APOL1: variants seen among roughly 807,000 people sequenced by gnomAD.
APOL1 encodes the protein apolipoprotein L 1.
APOL1 carries 17 observed loss-of-function variants against 14.9 expected under a neutral mutation model. The observed-to-expected ratio is 1.14, with a 90% CI of 0.78 to 1.71. APOL1 has a LOEUF of 1.71. Among genes scored for constraint, APOL1 ranks in the 40% most tolerant of loss-of-function variants. The pLI, the probability that APOL1 is intolerant of heterozygous loss-of-function variation, is 0.00. For synonymous variants in APOL1, 195 were observed against 184.8 expected (o/e 1.05, Z -0.45); for missense variants, 523 against 485.9 (o/e 1.08, Z -0.72).
intron 1 of APOL1, among the ~76,000 whole-genome samples, chr22:36,254,692 C>T (rs957917115): frequency 3.3e-5 from 5 of 152,200 alleles, no homozygotes; most frequent in Admixed American, 3.3e-4. Context: ...GAAACCCTGT[C>T]TCTACTAAAA....
chr22:36,255,693 G>T (rs535070960), intron 2 of APOL1, among the ~76,000 whole-genome samples: 1 of 150,434 alleles, frequency 6.6e-6, no homozygotes, highest in Non-Finnish European at 1.5e-5. Context: ...CAGGGGGCCC[G>T]GGAACCACTG....
At position 36,266,434 on chromosome 22, in the gene APOL1, T is replaced by C. The variant is rs537807674; in HGVS notation, c.*401T>C. 2.3e-4 allele frequency: 94 copies of C among 410,808 alleles called. No homozygotes were observed. The highest frequency in any genetic ancestry group is 1.8e-3 in the African/African-American group (88 of 48,724). 25.4% of individuals were successfully genotyped at this position (410,808 alleles called of 1,614,324 possible). A position where few individuals can be genotyped will look rare whatever the true frequency, so the allele number is the denominator to read the frequency against. Reference sequence around the variant, plus strand: ...GGGGGATAAAGAGGGTGAGGTAAAGTTTATGGAACTGAGTGTTAGGGACTT... The same window carrying C: ...GGGGGATAAAGAGGGTGAGGTAAAGCTTATGGAACTGAGTGTTAGGGACTT... On this transcript the variant is annotated 3_prime_UTR_variant, in exon 6 of 6. Coordinates refer to ENST00000397278, the MANE Select transcript of APOL1 (RefSeq NM_003661.4).
chr22:36,257,040 T>G, intron 2 of APOL1, 43 bp from the exon 3 acceptor site: 1 of 1,601,812 alleles, frequency 6.2e-7, no homozygotes, highest in Non-Finnish European at 8.6e-7. Flanking sequence ...AATGATCAGA[T>G]GGCTGCCCGT....
intron 5 of APOL1, among the ~76,000 whole-genome samples, chr22:36,264,607 C>T (rs1404799604): frequency 1.3e-5 from 2 of 152,270 alleles, no homozygotes; most frequent in Admixed American, 1.3e-4. Context: ...CATGAAAGAG[C>T]ATCTGAGATG....
intron 5 of APOL1, among the ~76,000 whole-genome samples, chr22:36,264,127 G>T (rs2016158301): frequency 6.6e-6 from 1 of 152,170 alleles, no homozygotes; most frequent in Non-Finnish European, 1.5e-5. Flanking sequence ...AGTTGGTCAA[G>T]GAGAAAGTCC....
In APOL1 at chr22:36,255,938, GT is replaced by G. The variant is rs557325658; in HGVS notation, c.44+943del. ...ACCTTTTCCTAACATTCTATCACCAGTTTTATGTCTTCCATTAGCAACTTTG... is the reference window on the plus strand; with the variant it reads ...ACCTTTTCCTAACATTCTATCACCAGTTTATGTCTTCCATTAGCAACTTTG... On this transcript the variant is annotated intron_variant, in intron 2 of 5. Transcript: ENST00000397278. 6.4e-4 allele frequency among the ~76,000 whole-genome samples: 98 copies of G among 151,950 alleles called. 1 individual carries two copies. The highest frequency in any genetic ancestry group is 2.3e-3 in the African/African-American group (97 of 41,390).
In APOL1 at chr22:36,266,701, C is replaced by T. The variant is rs555947840; in HGVS notation, c.*668C>T. The T allele has an allele frequency of 6.3e-5, 23 of 364,080 alleles. No individual in the cohort carries two copies. In the South Asian group the frequency reaches 6.9e-4, roughly 11 times the overall value. The allele number at this position is 364,080 out of a possible 1,614,324, so 22.6% of individuals were successfully genotyped here. ...CGGGCGGATCACGAGGTCAGGAGAT[C>T]GAGACCATCCTGGCTAACACAGTGA... On this transcript the variant is annotated 3_prime_UTR_variant, in exon 6 of 6. Coordinates refer to ENST00000397278, the MANE Select transcript of APOL1 (RefSeq NM_003661.4).
intron 5 of APOL1, 115 bp from the exon 6 acceptor site, chr22:36,265,036 C>G (rs1175041028): frequency 2.3e-6 from 3 of 1,331,726 alleles, no homozygotes; most frequent in African/African-American, 1.5e-5. Context: ...TGGTCTCAAT[C>G]TCCTGACCTT....
Position 36,265,184 on chromosome 22 carries a change from C to T in APOL1, c.348C>T (p.Asp116=). 6.2e-7 allele frequency: 1 copy of T among 1,614,184 alleles called. No homozygotes were observed. ...CAGATGAGCTCCGTAAAGCTCTGGA[C>T]AACCTTGCAAGACAAATGATCATGA... The part of the protein sequence containing the change: ...NEADELRKAL[D]NLARQMIMKD... The change falls in exon 6 of 6, where the codon GAC becomes GAT. Residue 116 remains aspartate (D), a synonymous_variant. Coordinates refer to ENST00000397278, the MANE Select transcript of APOL1 (RefSeq NM_003661.4).
chr22:36,265,299 A>G lies in APOL1; in HGVS notation c.463A>G (p.Ile155Val), dbSNP rs779639286. ...PRLKSELEDN[I>V]RRLRALADGV... ...GTTGAAAAGTGAGCTTGAGGATAACATAAGAAGGCTCCGTGCCCTTGCAGA... is the reference window on the plus strand; with the variant it reads ...GTTGAAAAGTGAGCTTGAGGATAACGTAAGAAGGCTCCGTGCCCTTGCAGA... The change falls in exon 6 of 6, where the codon ATA becomes GTA. Residue 155 changes from isoleucine to valine, a missense_variant. Coordinates refer to ENST00000397278, the MANE Select transcript of APOL1 (RefSeq NM_003661.4). The G allele has an allele frequency of 7.4e-6, 12 of 1,613,714 alleles. No individual in the cohort carries two copies. In the Admixed American group the frequency reaches 1.0e-4, roughly 13 times the overall value.
At chr22:36,255,547 C>T (rs958321677) in intron 2 of APOL1, among the ~76,000 whole-genome samples, 2 of 150,050 alleles carry the variant, frequency 1.3e-5, no homozygotes, top group African/African-American at 2.5e-5. Flanking sequence ...CCCCTTTTAC[C>T]CTTGCTGCAT....
At chr22:36,262,458 G>A (rs2016106243) in intron 5 of APOL1, among the ~76,000 whole-genome samples, 2 of 152,184 alleles carry the variant, frequency 1.3e-5, no homozygotes, top group Admixed American at 6.5e-5. Context: ...AGGCCTTAGA[G>A]GCAACTCCAG....
intron 4 of APOL1, chr22:36,259,911 C>T (rs2016024115): frequency 1.5e-6 from 2 of 1,296,962 alleles, no homozygotes; most frequent in Non-Finnish European, 2.0e-6. Flanking sequence ...CTTTAAATAG[C>T]CCCACAGGTA....
At chr22:36,256,818 G>T (rs943803487) in intron 2 of APOL1, among the ~76,000 whole-genome samples, 1 of 152,340 alleles carries the variant, frequency 6.6e-6, no homozygotes, top group South Asian at 2.1e-4. Flanking sequence ...AACTTTTGTG[G>T]ATTCCTCTGT....
At chr22:36,257,503 G>A (rs2015923969) in intron 4 of APOL1, 96 bp downstream of exon 4, 2 of 1,263,846 alleles carry the variant, frequency 1.6e-6, no homozygotes, top group Non-Finnish European at 2.3e-6. Context: ...AACCCGGATG[G>A]ACTAGGAGGC....
chr22:36,262,143 C>T lies in APOL1; in HGVS notation c.314+421C>T, dbSNP rs549119266. Reference sequence around the variant, plus strand: ...AAACAGAACCAGGGTTAAGGATCTTCTTCTTGAAGATGGGAGCCCAGCAGG... The same window carrying T: ...AAACAGAACCAGGGTTAAGGATCTTTTTCTTGAAGATGGGAGCCCAGCAGG... On this transcript the variant is annotated intron_variant, in intron 5 of 5. Transcript: ENST00000397278. Among the ~76,000 whole-genome samples, 41 of 152,314 alleles carry T rather than the reference C, an allele frequency of 2.7e-4. No homozygotes were observed. The South Asian group carries it at 8.5e-3, about 32-fold the overall frequency.
At position 36,265,259 on chromosome 22, in the gene APOL1, G is replaced by A; in HGVS notation, c.423G>A (p.Leu141=). The A allele has an allele frequency of 6.2e-7, 1 of 1,614,168 alleles. No individual in the cohort carries two copies. Among genetic ancestry groups the A allele is most frequent in the Non-Finnish European group, 8.5e-7 (1 of 1,180,024 alleles). ...DKGQQYRNWF[L]KEFPRLKSEL... ...GCCAGCAGTACAGAAACTGGTTTCT[G>A]AAAGAGTTTCCTCGGTTGAAAAGTG... is the stretch of plus-strand genomic sequence containing the variant. The change falls in exon 6 of 6, where the codon CTG becomes CTA. Residue 141 remains leucine, a synonymous_variant. Coordinates refer to ENST00000397278, the MANE Select transcript of APOL1 (RefSeq NM_003661.4).
At chr22:36,258,465 C>T (rs1447728222) in intron 4 of APOL1, among the ~76,000 whole-genome samples, 3 of 152,128 alleles carry the variant, frequency 2.0e-5, no homozygotes, top group Non-Finnish European at 4.4e-5. Flanking sequence ...TTTGGGTTTA[C>T]CTTGTTGGAA....
Position 36,254,954 on chromosome 22 carries a change from A to G in APOL1, c.-2A>G, listed in dbSNP as rs758573719. On this transcript the variant is annotated 5_prime_UTR_variant, in exon 2 of 6. Transcript: ENST00000397278. ...TGCTCAAGGAGGAGGCCCTGCAGCG[A>G]CATGGAGGGAGCTGCTTTGCTGAGA... 12 of 1,613,940 alleles carry G rather than the reference A, an allele frequency of 7.4e-6. No homozygotes were observed. Among genetic ancestry groups the G allele is most frequent in the African/African-American group, 2.7e-5 (2 of 74,922 alleles).
Sources: gnomAD v4.1 joint callset for allele counts (sites outside exome capture counted in the v4.1 genomes callset) on GRCh38, gnomAD v4.1.1 for gene constraint, MANE v1.5 for transcripts, NCBI Gene and HGNC (gene_info 2026-07-23, HGNC 2026-07-21) for gene names.